The following EYS variants were observed in gnomAD, a reference collection of about 807,000 sequenced individuals.
EYS encodes EGF-like photoreceptor maintenance factor.
A neutral mutation model predicts 282.1 loss-of-function variants in EYS; 250 were observed. That is an observed-to-expected ratio of 0.89 (90% CI 0.80 to 0.98). EYS has a LOEUF of 0.98. EYS is among the 50% of genes least tolerant of loss of function. The pLI, the probability that EYS is intolerant of heterozygous loss-of-function variation, is 0.00. For missense variants in EYS, 4,016 were observed against 3,709.0 expected (o/e 1.08, Z -2.15); for synonymous variants, 1,355 against 1,282.9 (o/e 1.06, Z -1.20).
At chr6:64,493,124 G>A (rs983690934) in intron 26 of EYS, among the ~76,000 whole-genome samples, 1 of 151,446 alleles carries the variant, frequency 6.6e-6, no homozygotes, top group African/African-American at 2.4e-5. Context: ...AAAAGTAGGA[G>A]AGGCATTTCT....
rs1375919396 is a variant in EYS at position 63,809,873 on chromosome 6, A to C, written c.7229-3501T>G. The stretch of plus-strand genomic sequence containing the variant: ...TATTTTCTAATCATTTACTAAGGCA[A>C]ATTTTTCTCATTCCCAATATGGCCG... On this transcript the variant is annotated intron_variant, in intron 36 of 42. Transcript: ENST00000503581. Among the ~76,000 whole-genome samples, 10 of 152,176 alleles carry C rather than the reference A, an allele frequency of 6.6e-5. No individual in the cohort carries two copies. The East Asian group carries it at 1.7e-3, about 26-fold the overall frequency.
chr6:64,117,336 C>T (rs574240451), intron 31 of EYS, among the ~76,000 whole-genome samples: 1 of 150,116 alleles, frequency 6.7e-6, no homozygotes, highest in Admixed American at 6.6e-5. Context: ...CAACCCCCCC[C>T]CCAATTAGTA....
intron 36 of EYS, among the ~76,000 whole-genome samples, chr6:63,845,006 G>A (rs545729070): frequency 1.3e-5 from 2 of 152,244 alleles, no homozygotes; most frequent in Admixed American, 6.5e-5. Flanking sequence ...TTACATTTAA[G>A]TCTTTAATGT....
chr6:65,403,821 G>C (rs1412064741), intron 6 of EYS, among the ~76,000 whole-genome samples: 1 of 151,946 alleles, frequency 6.6e-6, no homozygotes, highest in Non-Finnish European at 1.5e-5. Flanking sequence ...CTTTTAACTA[G>C]TAAAGTTATA....
At chr6:63,737,257 A>G (rs1397517901) in intron 41 of EYS, among the ~76,000 whole-genome samples, 4 of 152,026 alleles carry the variant, frequency 2.6e-5, no homozygotes, top group South Asian at 4.1e-4. Flanking sequence ...TTTGAGATAC[A>G]TCCCATCAAT....
chr6:65,540,724 GC>G (rs1482641112), intron 2 of EYS, among the ~76,000 whole-genome samples: 1 of 152,138 alleles, frequency 6.6e-6, no homozygotes, highest in African/African-American at 2.4e-5. Context: ...TTCGAGACCA[GC>G]CTGACTAACA....
intron 11 of EYS, among the ~76,000 whole-genome samples, chr6:65,325,987 C>T (rs1371690848): frequency 6.6e-6 from 1 of 152,008 alleles, no homozygotes; most frequent in Non-Finnish European, 1.5e-5. Flanking sequence ...CTATAGCTTC[C>T]TCTCCCATGC....
At chr6:64,461,090 C>A (rs925557910) in intron 26 of EYS, among the ~76,000 whole-genome samples, 2 of 152,114 alleles carry the variant, frequency 1.3e-5, no homozygotes, top group Admixed American at 6.5e-5. Flanking sequence ...GTGCTTCCTG[C>A]AGGTGAACAT....
At chr6:65,338,774 C>A (rs575879792) in intron 10 of EYS, among the ~76,000 whole-genome samples, 1 of 150,936 alleles carries the variant, frequency 6.6e-6, no homozygotes, top group Non-Finnish European at 1.5e-5. Flanking sequence ...GCTGGAAATT[C>A]CCTTTTTGAT....
chr6:64,488,786 A>C (rs1229545841), intron 26 of EYS, among the ~76,000 whole-genome samples: 1 of 150,996 alleles, frequency 6.6e-6, no homozygotes, highest in Non-Finnish European at 1.5e-5. Context: ...GTATCCATGG[A>C]AAAGTATATA....
At chr6:64,582,584 CTT>C (rs34078680) in intron 26 of EYS, among the ~76,000 whole-genome samples, 19 of 139,528 alleles carry the variant, frequency 1.4e-4, no homozygotes, top group Non-Finnish European at 1.4e-4. Context: ...AATCCTTGGT[CTT>C]TTTTTTTTTT....
At chr6:64,333,343 T>G (rs921032240) in intron 29 of EYS, among the ~76,000 whole-genome samples, 3 of 152,132 alleles carry the variant, frequency 2.0e-5, no homozygotes, top group Non-Finnish European at 4.4e-5. Flanking sequence ...GCTGCCAAGC[T>G]GCACATCCCA....
chr6:64,018,129 C>CAT (rs1768985186), intron 33 of EYS, among the ~76,000 whole-genome samples: 1 of 152,064 alleles, frequency 6.6e-6, no homozygotes, highest in Non-Finnish European at 1.5e-5. Flanking sequence ...CACACATACA[C>CAT]ATATATATAC....
intron 28 of EYS, among the ~76,000 whole-genome samples, chr6:64,403,949 C>T (rs1441431454): frequency 2.0e-5 from 3 of 152,066 alleles, no homozygotes; most frequent in Non-Finnish European, 2.9e-5. Flanking sequence ...AAAATCAGCC[C>T]ACTGGGTGGC....
chr6:65,230,036 T>TG (rs573502132), intron 12 of EYS, among the ~76,000 whole-genome samples: 132 of 152,058 alleles, frequency 8.7e-4, no homozygotes, highest in Middle Eastern at 6.8e-3. Context: ...GCTGACAGAC[T>TG]GTTAGAAAGT....
At chr6:65,477,128 A>G (rs1765440507) in intron 5 of EYS, among the ~76,000 whole-genome samples, 1 of 152,182 alleles carries the variant, frequency 6.6e-6, no homozygotes, top group South Asian at 2.1e-4. Context: ...AAGGTTACCC[A>G]CAGAGAAAAG....
chr6:64,012,698 A>G (rs1441365465), intron 33 of EYS, among the ~76,000 whole-genome samples: 3 of 152,110 alleles, frequency 2.0e-5, no homozygotes, highest in Non-Finnish European at 2.9e-5. Flanking sequence ...TAAAAGTGGG[A>G]TGGTTTTCAT....
intron 8 of EYS, 141 bp from the exon 9 acceptor site, chr6:65,353,758 A>G (rs1764375250): frequency 1.6e-6 from 1 of 638,486 alleles, no homozygotes; most frequent in African/African-American, 1.8e-5. Flanking sequence ...ACTTCTCTTT[A>G]TTTCTTCTAT....
At chr6:65,299,668 G>A (rs1037710189) in intron 11 of EYS, among the ~76,000 whole-genome samples, 10 of 151,916 alleles carry the variant, frequency 6.6e-5, no homozygotes, top group Non-Finnish European at 1.0e-4. Context: ...TGTCTTCTGA[G>A]GGTCAAATAT....
Sources: allele counts gnomAD v4.1 joint callset (sites outside exome capture counted in the v4.1 genomes callset), GRCh38; gene constraint gnomAD v4.1.1; transcripts MANE v1.5; gene names NCBI Gene and HGNC (gene_info 2026-07-23, HGNC 2026-07-21).